The following FGD4 variants were observed in gnomAD, a reference collection of about 807,000 sequenced individuals.
FGD4 encodes the protein FYVE, RhoGEF and PH domain containing 4.
A neutral mutation model predicts 102.0 loss-of-function variants in FGD4; 42 were observed. That is an observed-to-expected ratio of 0.41 (90% CI 0.32 to 0.53). The LOEUF is 0.53. Among genes scored for constraint, FGD4 ranks in the 20% least tolerant of loss-of-function variants. The pLI, the probability that FGD4 is intolerant of heterozygous loss-of-function variation, is 0.21. For missense variants in FGD4, 902 were observed against 1,078.2 expected (o/e 0.84, Z 2.29); for synonymous variants, 380 against 375.7 (o/e 1.01, Z -0.13).
At chr12:32,412,898 A>ATTTTTTT (rs1203601981) in intron 1 of FGD4, among the ~76,000 whole-genome samples, 6 of 83,972 alleles carry the variant, frequency 7.1e-5, no homozygotes, top group African/African-American at 4.0e-4. Flanking sequence ...CTTTTCTAGA[A>ATTTTTTT]ATTTTTTTTT....
chr12:32,562,173 C>T (rs1475935455), intron 1 of FGD4, among the ~76,000 whole-genome samples: 1 of 152,198 alleles, frequency 6.6e-6, no homozygotes, highest in Non-Finnish European at 1.5e-5. Flanking sequence ...TTAATTCCGT[C>T]CTTTCCTTCG....
In FGD4 at chr12:32,645,855, TGTGAAAGTATA is replaced by T. The variant is rs1951379737; in HGVS notation, c.*5323_*5333del. 6.6e-6 allele frequency: 1 copy of T among 152,222 alleles called. No individual in the cohort carries two copies. The highest frequency in any genetic ancestry group is 6.5e-5 in the Admixed American group (1 of 15,274). The allele number at this position is 152,222 out of a possible 1,614,324, so 9.4% of individuals were successfully genotyped here. A position where few individuals can be genotyped will look rare whatever the true frequency, so the allele number is the denominator to read the frequency against. Reference sequence around the variant, plus strand: ...TTTGGAATTTTACAGTTGACTCAAGTGTGAAAGTATACACAAGTAATTTTTCTTTTCTAGCT... The same window carrying T: ...TTTGGAATTTTACAGTTGACTCAAGTCACAAGTAATTTTTCTTTTCTAGCT... On this transcript the variant is annotated 3_prime_UTR_variant, in exon 17 of 17. Transcript: ENST00000534526.
chr12:32,613,587 C>T (rs1265285919), intron 10 of FGD4, among the ~76,000 whole-genome samples: 1 of 151,970 alleles, frequency 6.6e-6, no homozygotes, highest in South Asian at 2.1e-4. Flanking sequence ...ACCTCCCTGT[C>T]TCTACAAAAA....
chr12:32,409,230 A>G (rs1292265602), intron 1 of FGD4, among the ~76,000 whole-genome samples: 1 of 151,636 alleles, frequency 6.6e-6, no homozygotes. Context: ...ATTTCTCAAC[A>G]ATAGTGTTGC....
At chr12:32,505,717 C>A (rs1938652860) in intron 1 of FGD4, among the ~76,000 whole-genome samples, 1 of 152,120 alleles carries the variant, frequency 6.6e-6, no homozygotes, top group Non-Finnish European at 1.5e-5. Context: ...TTACAAATAA[C>A]CACGGCTCTG....
intron 1 of FGD4, among the ~76,000 whole-genome samples, chr12:32,496,205 T>A (rs564722268): frequency 6.6e-6 from 1 of 152,352 alleles, no homozygotes; most frequent in South Asian, 2.1e-4. Flanking sequence ...GTTTGCATGC[T>A]TTGGTCCTTT....
chr12:32,630,578 G>A (rs1950440764), intron 14 of FGD4, among the ~76,000 whole-genome samples: 1 of 152,204 alleles, frequency 6.6e-6, no homozygotes, highest in African/African-American at 2.4e-5. Context: ...ACTTTAGGAG[G>A]CCGAGGCAGG....
chr12:32,590,744 CAT>C (rs1185208667), intron 4 of FGD4, among the ~76,000 whole-genome samples: 2 of 152,290 alleles, frequency 1.3e-5, no homozygotes, highest in African/African-American at 4.8e-5. Context: ...AGAGATAACT[CAT>C]GTGCAGTACA....
At position 32,595,172 on chromosome 12, in the gene FGD4, A is replaced by G. The variant is rs188581946; in HGVS notation, c.1012-3325A>G. On this transcript the variant is annotated intron_variant, in intron 4 of 16. Coordinates refer to ENST00000534526, the MANE Select transcript of FGD4 (RefSeq NM_001370298.3). ...TTGATAGGTGTCTTATGTAATTACT[A>G]TGCATTTATGTTTACTTATTACAGG... Among the ~76,000 whole-genome samples the G allele has an allele frequency of 3.8e-3, 575 of 152,238 alleles. 2 individuals carry two copies. The highest frequency in any genetic ancestry group is 4.6e-3 in the Non-Finnish European group (315 of 68,030).
chr12:32,582,249 G>T lies in FGD4; in HGVS notation c.793G>T (p.Val265Leu). The T allele has an allele frequency of 1.2e-6, 2 of 1,614,220 alleles. No homozygotes were observed. The change falls in exon 4 of 17, where the codon GTG becomes TTG. Residue 265 changes from valine (V) to leucine (L), a missense_variant. By Grantham distance (32) the Val-to-Leu change is conservative. This residue lies in a region of FGD4 where 443 missense variants were observed against 459.2 expected (regional missense o/e 0.96). Transcript: ENST00000534526. ...TGAACCCTTGCTTGATACGCACATAGTGAATGGAGAAAGAGATGAAACTGC... is the reference window on the plus strand; with the variant it reads ...TGAACCCTTGCTTGATACGCACATATTGAATGGAGAAAGAGATGAAACTGC... The part of the protein sequence containing the change: ...ASEPLLDTHI[V>L]NGERDETATA...
rs1951161152 is a variant in FGD4 at position 32,641,660 on chromosome 12, T to C, written c.*1127T>C. ...AACTAGGATATGTGGAAACCACATT[T>C]ATCGTAATGTTTTTCTTTTCCGTAA... On this transcript the variant is annotated 3_prime_UTR_variant, in exon 17 of 17. Transcript: ENST00000534526. The C allele has an allele frequency of 6.6e-6, 1 of 152,218 alleles. No individual in the cohort carries two copies. The allele number at this position is 152,218 out of a possible 1,614,324, so 9.4% of individuals were successfully genotyped here.
intron 1 of FGD4, among the ~76,000 whole-genome samples, chr12:32,560,420 GT>G (rs201959013): frequency 0.011 from 1,697 of 151,994 alleles, 40 homozygotes; most frequent in African/African-American, 0.038. Flanking sequence ...CCCAGTTAAT[GT>G]TTTTTGTATT....
intron 1 of FGD4, among the ~76,000 whole-genome samples, chr12:32,420,478 C>G (rs1345110788): frequency 6.6e-6 from 1 of 152,100 alleles, no homozygotes; most frequent in African/African-American, 2.4e-5. Context: ...CTTGAGCAAC[C>G]CCAGTTTTAT....
At chr12:32,543,803 A>T (rs1251285676) in intron 1 of FGD4, among the ~76,000 whole-genome samples, 2 of 151,834 alleles carry the variant, frequency 1.3e-5, no homozygotes, top group African/African-American at 4.8e-5. Flanking sequence ...ATTTTTTTGT[A>T]TTTTTAGTAG....
At chr12:32,433,877 G>A (rs1942136095) in intron 1 of FGD4, among the ~76,000 whole-genome samples, 1 of 151,194 alleles carries the variant, frequency 6.6e-6, no homozygotes, top group Non-Finnish European at 1.5e-5. Context: ...TATTTTTTGA[G>A]ACGGAGTCTT....
At chr12:32,566,523 A>G (rs573488949) in intron 2 of FGD4, among the ~76,000 whole-genome samples, 3 of 152,226 alleles carry the variant, frequency 2.0e-5, no homozygotes, top group South Asian at 4.2e-4. Context: ...TAACACTGCT[A>G]TATTGCTGCA....
At chr12:32,501,685 G>A (rs1160256379) in intron 1 of FGD4, among the ~76,000 whole-genome samples, 1 of 152,110 alleles carries the variant, frequency 6.6e-6, no homozygotes, top group African/African-American at 2.4e-5. Flanking sequence ...TTCCAAATTT[G>A]AGTATTATAT....
chr12:32,639,973 G>C (rs1275568941), intron 16 of FGD4, among the ~76,000 whole-genome samples: 2 of 152,124 alleles, frequency 1.3e-5, no homozygotes, highest in African/African-American at 4.8e-5. Context: ...CAGTATGATG[G>C]CGATTTTTCT....
intron 1 of FGD4, chr12:32,501,985 GCAAGC>G: frequency 1.0e-6 from 1 of 972,400 alleles, no homozygotes; most frequent in Non-Finnish European, 1.2e-6. Context: ...CACCTGCTAG[GCAAGC>G]CCTGCGCATG....
Sources: allele counts gnomAD v4.1 joint callset (sites outside exome capture counted in the v4.1 genomes callset), GRCh38; gene constraint gnomAD v4.1.1; regional missense constraint gnomAD v4.1.1; transcripts MANE v1.5; gene names NCBI Gene and HGNC (gene_info 2026-07-23, HGNC 2026-07-21).